TXNRD2: variants seen among roughly 807,000 people sequenced by gnomAD.
TXNRD2 encodes thioredoxin reductase 2, also known as thioredoxin reductase 2, mitochondrial.
A neutral mutation model predicts 70.8 loss-of-function variants in TXNRD2; 67 were observed. The observed-to-expected ratio is 0.95, with a 90% CI of 0.78 to 1.16. TXNRD2 has a LOEUF of 1.16. Among genes scored for constraint, TXNRD2 ranks in the 50% most tolerant of loss-of-function variants. The probability of loss-of-function intolerance (pLI) is 0.00; values close to 1 mark genes in which losing one functional copy is unlikely to be tolerated. For synonymous variants in TXNRD2, 301 were observed against 295.8 expected, an observed-to-expected ratio of 1.02 and a Z score of -0.18; for missense variants, 644 against 719.9, an observed-to-expected ratio of 0.89 and a Z score of 1.21.
intron 7 of TXNRD2, among the ~76,000 whole-genome samples, chr22:19,914,449 AG>A (rs1435881345): frequency 3.9e-5 from 6 of 152,280 alleles, no homozygotes; most frequent in Non-Finnish European, 8.8e-5. Flanking sequence ...ACTACAATGT[AG>A]GTGAACCTGG....
intron 2 of TXNRD2, among the ~76,000 whole-genome samples, chr22:19,920,523 C>A (rs924844160): frequency 1.3e-5 from 2 of 151,706 alleles, no homozygotes; most frequent in Non-Finnish European, 2.9e-5. Flanking sequence ...GCAGAGGCTG[C>A]AGTGAGCAGA....
At chr22:19,914,499 G>A (rs1037080894) in intron 7 of TXNRD2, among the ~76,000 whole-genome samples, 1 of 151,844 alleles carries the variant, frequency 6.6e-6, no homozygotes. Context: ...GTCACTAAGG[G>A]ACACACACAT....
chr22:19,922,145 AC>A (rs921765011), intron 2 of TXNRD2, among the ~76,000 whole-genome samples: 3 of 152,234 alleles, frequency 2.0e-5, no homozygotes, highest in African/African-American at 7.2e-5. Context: ...GCAGGAAAAT[AC>A]ACCTATAAAG....
At chr22:19,897,557 A>G (rs1939565216) in intron 10 of TXNRD2, among the ~76,000 whole-genome samples, 1 of 152,190 alleles carries the variant, frequency 6.6e-6, no homozygotes, top group Non-Finnish European at 1.5e-5. Context: ...GCACCTGTCC[A>G]GAAGCCAAGA....
rs188962487 is a variant in TXNRD2, at chr22:19,883,603, C to T, written c.950-142G>A. ...CTGTAATCCCAGCACTGTAGGAGGA[C>T]GAGGTGGGCAAATCACCTGAGGTCA... On this transcript the variant is annotated intron_variant, in intron 11 of 17. Transcript: ENST00000400521. The T allele has an allele frequency of 2.8e-3, 3,411 of 1,209,350 alleles. 12 individuals are homozygous for T. The highest frequency in any genetic ancestry group is 3.4e-3 in the Non-Finnish European group (2,876 of 837,998). 74.9% of individuals were successfully genotyped at this position (1,209,350 alleles called of 1,614,324 possible).
chr22:19,928,568 G>A (rs372858610), intron 2 of TXNRD2, among the ~76,000 whole-genome samples: 1 of 152,190 alleles, frequency 6.6e-6, no homozygotes, highest in Non-Finnish European at 1.5e-5. Flanking sequence ...ATGCAGAAGT[G>A]GGGGAAGCCG....
intron 8 of TXNRD2, chr22:19,911,132 T>C: frequency 1.7e-6 from 1 of 599,206 alleles, no homozygotes; most frequent in Non-Finnish European, 3.0e-6. Context: ...GGTCTCACTA[T>C]ATTGCCCAGG....
At position 19,889,350 on chromosome 22, in the gene TXNRD2, C is replaced by T. The variant is rs146847357; in HGVS notation, c.950-5889G>A. On this transcript the variant is annotated intron_variant, in intron 11 of 17. Transcript: ENST00000400521. ...TTATTAGACCGGGTGCAGTGGCTCA[C>T]GCCTGTAATCCCAACACTTTGGGAG... Among the ~76,000 whole-genome samples the T allele has an allele frequency of 5.3e-3, 803 of 152,286 alleles. 5 individuals carry two copies. Among genetic ancestry groups the T allele is most frequent in the African/African-American group, 0.018 (747 of 41,562 alleles).
intron 7 of TXNRD2, among the ~76,000 whole-genome samples, chr22:19,913,556 G>C (rs1010782953): frequency 6.6e-6 from 1 of 152,250 alleles, no homozygotes. Context: ...ACAGCTGCCT[G>C]AGGGGATAGG....
chr22:19,925,758 T>A (rs1941115262), intron 2 of TXNRD2, among the ~76,000 whole-genome samples: 1 of 151,904 alleles, frequency 6.6e-6, no homozygotes, highest in Non-Finnish European at 1.5e-5. Context: ...GTGTAAATCT[T>A]TGTGATCTTG....
At chr22:19,882,644 C>T (rs979928798) in intron 12 of TXNRD2, among the ~76,000 whole-genome samples, 15 of 152,362 alleles carry the variant, frequency 9.8e-5, no homozygotes, top group East Asian at 5.8e-4. Context: ...AAGCTCTCAG[C>T]GACCCTCCAG....
At position 19,877,090 on chromosome 22, in the gene TXNRD2, C is replaced by A. The variant is rs538242088; in HGVS notation, c.*15G>T. 1.1e-4 allele frequency: 177 copies of A among 1,592,588 alleles called. No individual in the cohort carries two copies. In the East Asian group the frequency reaches 3.7e-3, roughly 33 times the overall value. ...CGGCGGGCGCACCGTGTGCCCTGGC[C>A]TGCAGGGATGGCGCTTACCCTCAGC... On this transcript the variant is annotated 3_prime_UTR_variant, in exon 17 of 18. Coordinates refer to ENST00000400521, the MANE Select transcript of TXNRD2 (RefSeq NM_006440.5).
At chr22:19,887,539 A>G (rs1442126109) in intron 11 of TXNRD2, 2 of 152,240 alleles carry the variant, frequency 1.3e-5, no homozygotes, top group African/African-American at 4.8e-5. Context: ...TACTGTAGCA[A>G]GAGGGCCCAG....
intron 1 of TXNRD2, chr22:19,933,480 T>C (rs5746847): frequency 0.58 from 749,609 of 1,289,174 alleles, 219,643 homozygotes; most frequent in East Asian, 0.71. Context: ...GCAGGGCCCT[T>C]GTTAGGTCAT....
intron 7 of TXNRD2, among the ~76,000 whole-genome samples, chr22:19,913,374 C>T (rs1456430422): frequency 1.3e-5 from 2 of 152,202 alleles, no homozygotes; most frequent in Admixed American, 1.3e-4. Context: ...TCAGCGGCAG[C>T]CCTGAACAGT....
rs386394954 is a variant in TXNRD2, at chr22:19,898,510, C to CTTTT, written c.683-384_683-381dup. 2.4e-3 allele frequency among the ~76,000 whole-genome samples: 222 copies of CTTTT among 94,380 alleles called. 1 individual carries two copies. The highest frequency in any genetic ancestry group is 7.8e-3 in the Middle Eastern group (1 of 128). 61.9% of individuals were successfully genotyped at this position (94,380 alleles called of 152,430 possible). A position where few individuals can be genotyped will look rare whatever the true frequency, so the allele number is the denominator to read the frequency against. On this transcript the variant is annotated intron_variant, in intron 9 of 17. Transcript: ENST00000400521. ...TGTGCTCTCAGCCAGCGGCTTGGGG[C>CTTTT]TTTTTTTTTTTTTTTTTTTTTTGAG...
intron 11 of TXNRD2, among the ~76,000 whole-genome samples, chr22:19,890,229 C>G (rs1012376314): frequency 6.6e-6 from 1 of 152,176 alleles, no homozygotes; most frequent in Admixed American, 6.5e-5. Flanking sequence ...AGGGGAAGGC[C>G]GCAGCCACCG....
At chr22:19,891,940 A>G (rs1284748413) in intron 11 of TXNRD2, among the ~76,000 whole-genome samples, 1 of 152,222 alleles carries the variant, frequency 6.6e-6, no homozygotes, top group Non-Finnish European at 1.5e-5. Flanking sequence ...GCCAATGTCC[A>G]TGGTCCTCGC....
chr22:19,885,769 C>A (rs1440763666), intron 11 of TXNRD2, among the ~76,000 whole-genome samples: 2 of 152,248 alleles, frequency 1.3e-5, no homozygotes, highest in African/African-American at 4.8e-5. Context: ...GCTTGCCTGG[C>A]TGGTCCTGGG....
Sources: gnomAD v4.1 joint callset for allele counts (sites outside exome capture counted in the v4.1 genomes callset) on GRCh38, gnomAD v4.1.1 for gene constraint, MANE v1.5 for transcripts, NCBI Gene and HGNC (gene_info 2026-07-23, HGNC 2026-07-21) for gene names.